ASPSCR1: variants seen among roughly 807,000 people sequenced by gnomAD.
ASPSCR1 encodes the protein ASPSCR1 tether for SLC2A4, UBX domain containing, also known as tether containing UBX domain for GLUT4.
ASPSCR1 carries 55 observed loss-of-function variants against 68.9 expected under a neutral mutation model. The observed-to-expected ratio is 0.80, with a 90% CI of 0.64 to 1.00. ASPSCR1 has a LOEUF of 1.00. Ranked by LOEUF, ASPSCR1 falls within the 50% of genes least tolerant of loss-of-function variation. ASPSCR1 has a pLI of 0.00. For synonymous variants in ASPSCR1, 352 were observed against 332.6 expected, an observed-to-expected ratio of 1.06 and a Z score of -0.63; for missense variants, 765 against 762.2, an observed-to-expected ratio of 1.00 and a Z score of -0.04.
intron 12 of ASPSCR1, chr17:82,013,156 T>G (rs1182304225): frequency 6.6e-6 from 1 of 152,184 alleles, no homozygotes; most frequent in Non-Finnish European, 1.5e-5. Context: ...CGGGATTCCC[T>G]GCAGCGGAGG....
rs1021590747 is a variant in ASPSCR1 at position 81,983,454 on chromosome 17, G to A, written c.159-100G>A. The A allele has an allele frequency of 9.2e-6, 9 of 983,486 alleles. No individual in the cohort carries two copies. The highest frequency in any genetic ancestry group is 2.4e-4 in the Middle Eastern group (1 of 4,156). 60.9% of individuals were successfully genotyped at this position (983,486 alleles called of 1,614,324 possible). On this transcript the variant is annotated intron_variant, in intron 2 of 15. Transcript: ENST00000306739. This position sits in a 1 kb window ranked among gnomAD's most constrained non-coding sequence, Gnocchi z 4.4. The stretch of plus-strand genomic sequence containing the variant: ...CACAGGACGTGGATGGCGGGGCGTG[G>A]ATGGCGGGGCGTGGATGGTGGGACG...
At position 81,994,818 on chromosome 17, in the gene ASPSCR1, C is replaced by T; in HGVS notation, c.375-3C>T. The T allele has an allele frequency of 1.9e-6, 3 of 1,613,300 alleles. No homozygotes were observed. The highest frequency in any genetic ancestry group is 2.5e-6 in the Non-Finnish European group (3 of 1,179,914). On this transcript the variant is annotated splice_region_variant and splice_polypyrimidine_tract_variant and intron_variant, in intron 4 of 15. Coordinates refer to ENST00000306739, the MANE Select transcript of ASPSCR1 (RefSeq NM_024083.4). ...CCTGATGGTTTCTTTCCTCTCCTCC[C>T]AGGGAGTGCCTGCAGCACCCCGGCG... is the stretch of plus-strand genomic sequence containing the variant.
intron 7 of ASPSCR1, among the ~76,000 whole-genome samples, chr17:82,001,592 G>C (rs547220508): frequency 6.6e-6 from 1 of 152,306 alleles, no homozygotes; most frequent in Non-Finnish European, 1.5e-5. Flanking sequence ...CCGGGGGGTA[G>C]GGGGTGGATG....
intron 7 of ASPSCR1, among the ~76,000 whole-genome samples, chr17:82,003,569 G>A (rs910121729): frequency 1.3e-5 from 2 of 152,228 alleles, no homozygotes; most frequent in African/African-American, 2.4e-5. Flanking sequence ...TGGGGGCGGC[G>A]CCGTCTCCTC....
intron 2 of ASPSCR1, chr17:81,982,792 C>CT (rs1248014255): frequency 7.0e-6 from 1 of 143,142 alleles, no homozygotes; most frequent in Non-Finnish European, 1.5e-5. Context: ...CTTCCTTTCT[C>CT]TTTTCTTTTC....
rs868464282 is a variant in ASPSCR1, at chr17:81,996,820, C to A, written c.907C>A (p.Pro303Thr). The A allele has an allele frequency of 3.7e-6, 6 of 1,604,644 alleles. No individual in the cohort carries two copies. The highest frequency in any genetic ancestry group is 1.3e-5 in the African/African-American group (1 of 74,240). The change falls in exon 7 of 16, where the codon CCC (proline) becomes ACC (threonine). Residue 303 changes from proline to threonine, a missense_variant. By Grantham distance (38) the Pro-to-Thr change is conservative (BLOSUM62 -1). Transcript: ENST00000306739. ...GCAGGAGCAGGAGCGGGAGCGGGAT[C>A]CCCAGCAGGAGCAGGAGCGGGAGCG... ...QEQEQERERD[P>T]QQEQERERPV...
At position 81,987,086 on chromosome 17, in the gene ASPSCR1, A is replaced by G. The variant is rs1009235767; in HGVS notation, c.374+1479A>G. On this transcript the variant is annotated intron_variant, in intron 4 of 15. Transcript: ENST00000306739. This position sits in a 1 kb window ranked among gnomAD's most constrained non-coding sequence, Gnocchi z 5.6. ...GAGGCAGGAGATGACGGAGCCTAAGAGCAAAGCGAAGCCACGGGCAGGGGT... is the reference window on the plus strand; with the variant it reads ...GAGGCAGGAGATGACGGAGCCTAAGGGCAAAGCGAAGCCACGGGCAGGGGT... Among the ~76,000 whole-genome samples the G allele has an allele frequency of 2.7e-5, 4 of 150,450 alleles. No homozygotes were observed. Among genetic ancestry groups the G allele is most frequent in the South Asian group, 4.2e-4 (2 of 4,760 alleles).
chr17:81,977,785 C>T lies in ASPSCR1; in HGVS notation c.102+37C>T, dbSNP rs1424516214. On this transcript the variant is annotated intron_variant, in intron 1 of 15. Coordinates refer to ENST00000306739, the MANE Select transcript of ASPSCR1 (RefSeq NM_024083.4). The surrounding 1 kb of genome is among the most constrained non-coding windows in gnomAD (Gnocchi z 5.0). ...CGCCCGGGGCGGACGGGTAGGCGGG[C>T]GGGGGGCGCTGCGCCGAGGCCCCGC... The T allele has an allele frequency of 4.2e-6, 5 of 1,204,502 alleles. No homozygotes were observed. The highest frequency in any genetic ancestry group is 5.2e-6 in the Non-Finnish European group (5 of 968,618). The allele number at this position is 1,204,502 out of a possible 1,614,324, so 74.6% of individuals were successfully genotyped here. A position where few individuals can be genotyped will look rare whatever the true frequency, so the allele number is the denominator to read the frequency against.
At chr17:82,007,087 CAT>C (rs2042744932) in intron 7 of ASPSCR1, 1 of 152,284 alleles carries the variant, frequency 6.6e-6, no homozygotes, top group Non-Finnish European at 1.5e-5. Flanking sequence ...CTGCAGACGC[CAT>C]ATGTTCTCGG....
intron 4 of ASPSCR1, among the ~76,000 whole-genome samples, chr17:81,994,500 T>G (rs1202132073): frequency 6.6e-6 from 1 of 152,162 alleles, no homozygotes; most frequent in Non-Finnish European, 1.5e-5. Flanking sequence ...TCGCCCCTCC[T>G]GTGCGGTCCC....
chr17:82,009,374 G>A (rs1330027876), intron 8 of ASPSCR1, 112 bp from the exon 9 acceptor site: 3 of 1,365,988 alleles, frequency 2.2e-6, no homozygotes, highest in African/African-American at 1.5e-5. Context: ...CCTGCCTTGT[G>A]TGGGGAGAGC....
chr17:81,995,115 A>G (rs2042294567), intron 5 of ASPSCR1: 1 of 524,594 alleles, frequency 1.9e-6, no homozygotes, highest in East Asian at 3.3e-5. Context: ...CAAGAGTCAC[A>G]AAAGTGGTTT....
intron 9 of ASPSCR1, 54 bp from the exon 10 acceptor site, chr17:82,010,748 G>A (rs555637237): frequency 2.5e-5 from 39 of 1,572,536 alleles, no homozygotes; most frequent in Non-Finnish European, 3.4e-5. Flanking sequence ...GCCACGCCCT[G>A]GTCCCTGGTG....
At chr17:82,013,961 G>A (rs1405718705) in intron 12 of ASPSCR1, 1 of 152,344 alleles carries the variant, frequency 6.6e-6, no homozygotes, top group East Asian at 1.9e-4. Flanking sequence ...CACCTTTGAT[G>A]TCACGGTCAC....
chr17:82,015,598 AT>A lies in ASPSCR1; in HGVS notation c.1354-877del, dbSNP rs1396499745. ...GCCCTCTCGCCCGGCAGCAGGTGGG[AT>A]GCAGATGGGGCTGGCCAGGGCTCCT... On this transcript the variant is annotated intron_variant, in intron 12 of 15. Transcript: ENST00000306739. 5.1e-6 allele frequency: 3 copies of A among 583,754 alleles called. No homozygotes were observed. In the African/African-American group the frequency reaches 5.6e-5, roughly 11 times the overall value. The allele number at this position is 583,754 out of a possible 1,614,324, so 36.2% of individuals were successfully genotyped here.
chr17:81,984,026 T>G (rs2144001342), intron 3 of ASPSCR1, among the ~76,000 whole-genome samples: 1 of 152,120 alleles, frequency 6.6e-6, no homozygotes, highest in East Asian at 1.9e-4. Context: ...GGCTAATTTT[T>G]GTATTTTAGT....
intron 7 of ASPSCR1, among the ~76,000 whole-genome samples, chr17:82,000,702 G>A (rs1381994516): frequency 6.6e-6 from 1 of 152,244 alleles, no homozygotes; most frequent in Non-Finnish European, 1.5e-5. Context: ...GAGACCCGGG[G>A]TGGTTCACAG....
At chr17:81,991,540 G>GGCCCGTCCCTGTCCATCCCT (rs1330619352) in intron 4 of ASPSCR1, among the ~76,000 whole-genome samples, 30 of 152,224 alleles carry the variant, frequency 2.0e-4, no homozygotes, top group East Asian at 5.8e-4. Flanking sequence ...AGAGCTCTGC[G>GGCCCGTCCCTGTCCATCCCT]GCCCGTCCCT....
In ASPSCR1 at chr17:82,009,988, C is replaced by A. The variant is rs1469787496; in HGVS notation, c.1170+421C>A. 3 of 286,548 alleles carry A rather than the reference C, an allele frequency of 1.0e-5. No individual in the cohort carries two copies. The East Asian group carries it at 4.9e-4, about 47-fold the overall frequency. The allele number at this position is 286,548 out of a possible 1,614,324, so 17.8% of individuals were successfully genotyped here. On this transcript the variant is annotated intron_variant, in intron 9 of 15. Coordinates refer to ENST00000306739, the MANE Select transcript of ASPSCR1 (RefSeq NM_024083.4). ...TCAGTGGTGCCATCTCAGCTCACTGCAAGCTCCGCCTCCCGGGTTCAAGTG... is the reference window on the plus strand; with the variant it reads ...TCAGTGGTGCCATCTCAGCTCACTGAAAGCTCCGCCTCCCGGGTTCAAGTG...
Sources: allele counts gnomAD v4.1 joint callset (sites outside exome capture counted in the v4.1 genomes callset), GRCh38; gene constraint gnomAD v4.1.1; non-coding constraint Gnocchi (gnomAD v3.1); transcripts MANE v1.5; gene names NCBI Gene and HGNC (gene_info 2026-07-23, HGNC 2026-07-21).